Variants in NPSR1 observed in about 807,000 individuals in gnomAD.
NPSR1 encodes the protein neuropeptide S receptor.
Under a neutral mutation model 46.9 loss-of-function variants are expected in NPSR1, and 48 were observed. That is an observed-to-expected ratio of 1.02 (90% CI 0.81 to 1.30). NPSR1 has a LOEUF of 1.30. NPSR1 is among the 50% of genes most tolerant of loss of function. NPSR1 has a pLI of 0.00. For synonymous variants in NPSR1, 176 were observed against 168.1 expected (o/e 1.05, Z -0.36); for missense variants, 450 against 449.5 (o/e 1.00, Z -0.01).
At chr7:34,829,982 C>T (rs539727897) in intron 5 of NPSR1, among the ~76,000 whole-genome samples, 1 of 152,324 alleles carries the variant, frequency 6.6e-6, no homozygotes, top group South Asian at 2.1e-4. Flanking sequence ...CTTCCATCAC[C>T]TTCCCTCTTT....
chr7:34,863,446 C>G (rs1440690299), intron 8 of NPSR1, among the ~76,000 whole-genome samples: 1 of 151,688 alleles, frequency 6.6e-6, no homozygotes, highest in Non-Finnish European at 1.5e-5. Flanking sequence ...AACAGGCAAC[C>G]TACAGAATGG....
At chr7:34,710,869 C>T in intron 2 of NPSR1, 1 of 457,580 alleles carries the variant, frequency 2.2e-6, no homozygotes, top group Non-Finnish European at 4.1e-6. Context: ...AAGTTTGCCT[C>T]AAGAGATGCT....
At chr7:34,845,701 G>T (rs938171833) in intron 7 of NPSR1, 26 of 403,296 alleles carry the variant, frequency 6.4e-5, no homozygotes, top group African/African-American at 5.5e-4. Flanking sequence ...TGTCTCCCCT[G>T]TTGGAGTAAT....
intron 3 of NPSR1, among the ~76,000 whole-genome samples, chr7:34,811,414 G>C (rs764167285): frequency 6.6e-6 from 1 of 152,080 alleles, no homozygotes; most frequent in East Asian, 1.9e-4. Context: ...TCTGCCATTC[G>C]TCTGCTCATC....
At chr7:34,855,887 A>T (rs1312468094) in intron 8 of NPSR1, among the ~76,000 whole-genome samples, 1 of 152,206 alleles carries the variant, frequency 6.6e-6, no homozygotes, top group East Asian at 1.9e-4. Flanking sequence ...TCGTTACATT[A>T]ATAGATTACA....
chr7:34,778,826 G>A (rs1270294394), intron 3 of NPSR1, among the ~76,000 whole-genome samples: 1 of 152,148 alleles, frequency 6.6e-6, no homozygotes, highest in Non-Finnish European at 1.5e-5. Context: ...TAAATAAAAT[G>A]TCTGGGTCAA....
chr7:34,798,427 C>A lies in NPSR1; in HGVS notation c.385-13343C>A, dbSNP rs34849760. ...GCACGCACCTGTAATCCCAGCTACT[C>A]GGGAGGCTGAAGCAGGAGAATCTCT... On this transcript the variant is annotated intron_variant, in intron 3 of 8. Transcript: ENST00000360581. Among the ~76,000 whole-genome samples, 344 of 152,028 alleles carry A rather than the reference C, an allele frequency of 2.3e-3. 2 individuals are homozygous for A. Among genetic ancestry groups the A allele is most frequent in the Non-Finnish European group, 3.9e-3 (266 of 67,994 alleles).
At chr7:34,772,144 C>G (rs1786715076) in intron 2 of NPSR1, among the ~76,000 whole-genome samples, 2 of 152,156 alleles carry the variant, frequency 1.3e-5, no homozygotes, top group African/African-American at 2.4e-5. Flanking sequence ...TTCATTCAAG[C>G]ATGTTCTCAG....
chr7:34,878,058 G>A lies in NPSR1; in HGVS notation c.1026-18G>A, dbSNP rs182351202. ...CCCAGGTCCCTATACATTTCAATAA[G>A]CCTTTCTTCTTTCCCAGGGTCATCC... On this transcript the variant is annotated intron_variant, in intron 8 of 8. Coordinates refer to the NPSR1 transcript ENST00000359791. 1,958 of 1,523,038 alleles carry A rather than the reference G, an allele frequency of 1.3e-3. 38 individuals carry two copies. In the Admixed American group the frequency reaches 0.033, roughly 25 times the overall value. The allele number at this position is 1,523,038 out of a possible 1,614,324, so 94.3% of individuals were successfully genotyped here.
intron 2 of NPSR1, among the ~76,000 whole-genome samples, chr7:34,747,387 G>C (rs763620166): frequency 6.6e-6 from 1 of 152,176 alleles, no homozygotes; most frequent in Non-Finnish European, 1.5e-5. Context: ...ACAGCCACTT[G>C]TGGGTCTCTG....
At chr7:34,773,182 A>T (rs1786768385) in intron 2 of NPSR1, among the ~76,000 whole-genome samples, 1 of 152,158 alleles carries the variant, frequency 6.6e-6, no homozygotes, top group African/African-American at 2.4e-5. Flanking sequence ...AACACCATGA[A>T]GTGGGCTCTG....
chr7:34,677,827 A>T (rs975556569), intron 1 of NPSR1, among the ~76,000 whole-genome samples: 1 of 152,208 alleles, frequency 6.6e-6, no homozygotes, highest in African/African-American at 2.4e-5. Flanking sequence ...CAGACCTCAC[A>T]AAAAAGGATT....
chr7:34,732,826 C>T (rs575892865), intron 2 of NPSR1, among the ~76,000 whole-genome samples: 1 of 152,266 alleles, frequency 6.6e-6, no homozygotes, highest in South Asian at 2.1e-4. Context: ...TATGCATGCT[C>T]ACTCACAAAA....
chr7:34,757,632 T>G (rs2128727439), intron 2 of NPSR1, among the ~76,000 whole-genome samples: 1 of 152,304 alleles, frequency 6.6e-6, no homozygotes, highest in Middle Eastern at 3.4e-3. Context: ...CAGCCTGTTC[T>G]TACACTGACC....
Position 34,827,539 on chromosome 7 carries a change from A to C in NPSR1, c.617A>C (p.Tyr206Ser). 1 of 1,605,270 alleles carries C rather than the reference A, an allele frequency of 6.2e-7. No individual in the cohort carries two copies. The highest frequency in any genetic ancestry group is 8.5e-7 in the Non-Finnish European group (1 of 1,175,476). ...TGGGCCCTGTGGCCTGACGACTCCT[A>C]CTGGACCCCATACATGACCATCGTG... is the stretch of plus-strand genomic sequence containing the variant. ...QCWALWPDDS[Y>S]WTPYMTIVAF... The change falls in exon 5 of 9, where the codon TAC becomes TCC. Residue 206 changes from tyrosine (Y) to serine (S), a missense_variant. Transcript: ENST00000360581.
chr7:34,765,005 G>A (rs1786364111), intron 2 of NPSR1, among the ~76,000 whole-genome samples: 1 of 152,088 alleles, frequency 6.6e-6, no homozygotes, highest in African/African-American at 2.4e-5. Context: ...AGCAGAGAGT[G>A]GGGCATTAAA....
chr7:34,828,323 C>T (rs942621041), intron 5 of NPSR1, among the ~76,000 whole-genome samples: 2 of 152,332 alleles, frequency 1.3e-5, no homozygotes, highest in South Asian at 2.1e-4. Flanking sequence ...GAGCTCCTCC[C>T]AGTGACTGGG....
chr7:34,774,499 C>G (rs1041587571), intron 2 of NPSR1, among the ~76,000 whole-genome samples: 15 of 152,296 alleles, frequency 9.8e-5, no homozygotes, highest in African/African-American at 3.6e-4. Flanking sequence ...TCATAATGGT[C>G]AGTTCCAAAT....
Position 34,849,625 on chromosome 7 carries a change from G to GCAGAT in NPSR1, c.1087_1091dup (p.Leu365ArgfsTer12). On this transcript the variant is annotated frameshift_variant, in exon 9 of 9. Transcript: ENST00000360581. LOFTEE classifies it high-confidence loss of function. ...GGGAGAGAACTGAGAGGCATGAGATGCAGATTCTGTCCAAGCCAGAATTCA... is the reference window on the plus strand; with the variant it reads ...GGGAGAGAACTGAGAGGCATGAGATGCAGATCAGATTCTGTCCAAGCCAGAATTCA... 1.2e-6 allele frequency: 2 copies of GCAGAT among 1,614,124 alleles called. No homozygotes were observed. Among genetic ancestry groups the GCAGAT allele is most frequent in the Non-Finnish European group, 1.7e-6 (2 of 1,179,994 alleles).
Sources: gnomAD v4.1 joint callset for allele counts (sites outside exome capture counted in the v4.1 genomes callset) on GRCh38, gnomAD v4.1.1 for gene constraint, MANE v1.5 for transcripts, NCBI Gene and HGNC (gene_info 2026-07-23, HGNC 2026-07-21) for gene names.